Variants in MYH10 observed in about 807,000 individuals in gnomAD.
MYH10 encodes myosin-10.
Under a neutral mutation model 257.8 loss-of-function variants are expected in MYH10, and 55 were observed. The ratio of observed to expected loss-of-function variants is 0.21; its 90% confidence interval spans 0.17 to 0.27. The LOEUF is 0.27. Among genes scored for constraint, MYH10 ranks in the 10% least tolerant of loss-of-function variants. MYH10 has a pLI of 1.00. For synonymous variants in MYH10, 854 were observed against 921.7 expected (o/e 0.93, Z 1.33); for missense variants, 1,631 against 2,500.6 (o/e 0.65, Z 7.42).
intron 36 of MYH10, among the ~76,000 whole-genome samples, chr17:8,486,526 AT>A (rs1314237995): frequency 6.7e-6 from 1 of 150,040 alleles, no homozygotes; most frequent in African/African-American, 2.5e-5. Flanking sequence ...CAAAAAAAAA[AT>A]CTTTATATTT....
intron 14 of MYH10, among the ~76,000 whole-genome samples, chr17:8,541,121 C>T (rs1216358182): frequency 6.6e-6 from 1 of 152,176 alleles, no homozygotes; most frequent in Non-Finnish European, 1.5e-5. Flanking sequence ...TAGGTTCTTC[C>T]TCTTCCCGAT....
intron 9 of MYH10, among the ~76,000 whole-genome samples, chr17:8,549,920 C>A (rs553189748): frequency 6.6e-6 from 1 of 151,358 alleles, no homozygotes; most frequent in Admixed American, 6.6e-5. Context: ...CAGCCCCTAA[C>A]CGCAAGTGAT....
chr17:8,487,329 G>A (rs749995389), intron 36 of MYH10, 104 bp downstream of exon 36: 155 of 1,400,822 alleles, frequency 1.1e-4, no homozygotes, highest in Non-Finnish European at 1.4e-4. Flanking sequence ...CCCCGGCCAC[G>A]CTGACAGCGG....
rs1285272036 is a variant in MYH10, at chr17:8,506,505, TAAG to T, written c.3215-19_3215-17del. The T allele has an allele frequency of 4.4e-6, 7 of 1,606,946 alleles. No homozygotes were observed. Among genetic ancestry groups the T allele is most frequent in the South Asian group, 1.1e-5 (1 of 89,788 alleles). Reference sequence around the variant, plus strand: ...TTTAAGCGTTCTTTAAGGTAAGACATAAGAAGCTCTTCAACACACCGAGTGACT... The same window carrying T: ...TTTAAGCGTTCTTTAAGGTAAGACATAAGCTCTTCAACACACCGAGTGACT... On this transcript the variant is annotated splice_polypyrimidine_tract_variant and intron_variant, in intron 26 of 42. Transcript: ENST00000360416. The surrounding 1 kb of genome is among the most constrained non-coding windows in gnomAD (Gnocchi z 5.0).
At chr17:8,514,935 T>A (rs930880950) in intron 21 of MYH10, among the ~76,000 whole-genome samples, 4 of 152,260 alleles carry the variant, frequency 2.6e-5, no homozygotes, top group Non-Finnish European at 5.9e-5. Flanking sequence ...CATCCCTGCA[T>A]TCCAGAGCAC....
intron 34 of MYH10, 110 bp downstream of exon 34, chr17:8,492,187 C>T (rs1915870093): frequency 1.9e-6 from 2 of 1,067,672 alleles, no homozygotes; most frequent in Non-Finnish European, 2.7e-6. Flanking sequence ...CTGGGCTGTG[C>T]ATTCCCAGGT....
intron 14 of MYH10, 121 bp from the exon 15 acceptor site, chr17:8,536,052 G>T: frequency 1.1e-6 from 1 of 891,126 alleles, no homozygotes; most frequent in Non-Finnish European, 1.7e-6. Flanking sequence ...CAAATTGCTA[G>T]GATGGAAAGG....
At chr17:8,478,840 C>T (rs759205116) in intron 40 of MYH10, among the ~76,000 whole-genome samples, 21 of 152,210 alleles carry the variant, frequency 1.4e-4, no homozygotes, top group Non-Finnish European at 2.8e-4. Context: ...AAGCAATTCT[C>T]CTGCCTCAGC....
chr17:8,478,768 T>C (rs1022200511), intron 40 of MYH10, among the ~76,000 whole-genome samples: 2 of 152,226 alleles, frequency 1.3e-5, no homozygotes, highest in African/African-American at 4.8e-5. Flanking sequence ...TCTTGCTCTG[T>C]CGCCCAGGCT....
chr17:8,564,870 A>G (rs576881573), intron 7 of MYH10, among the ~76,000 whole-genome samples: 1 of 152,240 alleles, frequency 6.6e-6, no homozygotes, highest in East Asian at 1.9e-4. Context: ...ACTGTGATAG[A>G]GAATAATAGA....
chr17:8,486,007 G>A (rs989366964), intron 36 of MYH10, among the ~76,000 whole-genome samples: 32 of 152,174 alleles, frequency 2.1e-4, no homozygotes, highest in African/African-American at 3.6e-4. Flanking sequence ...AAAGGAGTGC[G>A]GTACTTGTTC....
intron 7 of MYH10, among the ~76,000 whole-genome samples, chr17:8,558,397 C>T (rs1193100082): frequency 1.3e-5 from 2 of 152,010 alleles, no homozygotes; most frequent in African/African-American, 2.4e-5. Context: ...CAGTGCCAGC[C>T]GAGCCTACCA....
At chr17:8,520,205 T>G (rs2081607259) in intron 19 of MYH10, among the ~76,000 whole-genome samples, 1 of 152,218 alleles carries the variant, frequency 6.6e-6, no homozygotes, top group South Asian at 2.1e-4. Context: ...ACTCATCTAT[T>G]TAAAAAATCA....
intron 7 of MYH10, among the ~76,000 whole-genome samples, chr17:8,563,912 G>A (rs1043323246): frequency 1.3e-5 from 2 of 151,108 alleles, no homozygotes; most frequent in African/African-American, 4.9e-5. Context: ...AAAAAAGAGA[G>A]AGAGAAAGAA....
intron 6 of MYH10, among the ~76,000 whole-genome samples, chr17:8,575,891 G>A (rs1335069821): frequency 6.6e-6 from 1 of 152,162 alleles, no homozygotes; most frequent in African/African-American, 2.4e-5. Context: ...TCACTGCTAT[G>A]GTCTGTGGAG....
chr17:8,499,895 G>GAC (rs1368758666), intron 29 of MYH10, among the ~76,000 whole-genome samples: 1 of 152,218 alleles, frequency 6.6e-6, no homozygotes, highest in South Asian at 2.1e-4. Flanking sequence ...CTGCCTCAGG[G>GAC]ACAAGATTGG....
intron 2 of MYH10, among the ~76,000 whole-genome samples, chr17:8,621,859 C>G (rs2085480581): frequency 6.6e-6 from 1 of 152,184 alleles, no homozygotes; most frequent in South Asian, 2.1e-4. Context: ...CTGGAGAAAG[C>G]CATTCTCCTA....
At chr17:8,547,710 C>A (rs1302575387) in intron 11 of MYH10, among the ~76,000 whole-genome samples, 1 of 146,224 alleles carries the variant, frequency 6.8e-6, no homozygotes, top group Non-Finnish European at 1.5e-5. Context: ...CCATCTGAAG[C>A]AAACTGATAT....
chr17:8,615,453 A>G (rs555365895), intron 2 of MYH10, among the ~76,000 whole-genome samples: 3 of 152,228 alleles, frequency 2.0e-5, no homozygotes, highest in Non-Finnish European at 2.9e-5. Context: ...TGATATAACC[A>G]GCATAATCTT....
Sources: allele counts gnomAD v4.1 joint callset (sites outside exome capture counted in the v4.1 genomes callset), GRCh38; gene constraint gnomAD v4.1.1; non-coding constraint Gnocchi (gnomAD v3.1); transcripts MANE v1.5; gene names NCBI Gene and HGNC (gene_info 2026-07-23, HGNC 2026-07-21).